The following NFX1 variants were observed in gnomAD, a reference collection of about 807,000 sequenced individuals.
NFX1 encodes nuclear transcription factor, X-box binding 1.
A neutral mutation model predicts 137.2 loss-of-function variants in NFX1; 69 were observed. That is an observed-to-expected ratio of 0.50 (90% CI 0.41 to 0.61). NFX1 has a LOEUF of 0.61. NFX1 is among the 20% of genes least tolerant of loss of function. The pLI is 0.00. For missense variants in NFX1, 1,167 were observed against 1,391.0 expected (o/e 0.84, Z 2.56); for synonymous variants, 495 against 474.1 (o/e 1.04, Z -0.57).
chr9:33,305,142 C>T (rs1009605383), intron 4 of NFX1, among the ~76,000 whole-genome samples: 11 of 152,304 alleles, frequency 7.2e-5, no homozygotes, highest in Middle Eastern at 3.4e-3. Flanking sequence ...GCGAATAAAA[C>T]GGTTAACTTA....
chr9:33,338,171 A>G (rs1261325749), intron 11 of NFX1, among the ~76,000 whole-genome samples: 1 of 151,984 alleles, frequency 6.6e-6, no homozygotes, highest in African/African-American at 2.4e-5. Flanking sequence ...TTTGGACAAC[A>G]TGGTGAAACC....
intron 4 of NFX1, among the ~76,000 whole-genome samples, chr9:33,305,462 A>G (rs1311816342): frequency 6.6e-6 from 1 of 152,190 alleles, no homozygotes; most frequent in African/African-American, 2.4e-5. Context: ...ATGACTGGAA[A>G]GGAAGGGCTG....
At chr9:33,322,947 GA>G (rs1348544307) in intron 9 of NFX1, among the ~76,000 whole-genome samples, 26 of 152,208 alleles carry the variant, frequency 1.7e-4, no homozygotes, top group Non-Finnish European at 7.3e-5. Context: ...AAATCTCAAA[GA>G]CTTACAGCAA....
intron 3 of NFX1, among the ~76,000 whole-genome samples, chr9:33,302,738 C>T (rs1490486762): frequency 1.3e-5 from 2 of 151,184 alleles, no homozygotes; most frequent in East Asian, 1.9e-4. Flanking sequence ...GGCACGATCT[C>T]GGCTCACTGC....
chr9:33,313,631 C>G (rs374033783), intron 6 of NFX1, 23 bp from the exon 7 acceptor site: 2 of 1,612,382 alleles, frequency 1.2e-6, no homozygotes, highest in Non-Finnish European at 1.7e-6. Context: ...CTGATGCTGT[C>G]TTTACATCTA....
rs1823079311 is a variant in NFX1, at chr9:33,338,128, G to A, written c.2036-382G>A. On this transcript the variant is annotated intron_variant, in intron 11 of 23. Coordinates refer to ENST00000379540, the MANE Select transcript of NFX1 (RefSeq NM_002504.6). ...TCAGCACTTTGGGAGGCCATGGGAGGTGGATCACCTGAGATCAGGAGTTAA... is the reference window on the plus strand; with the variant it reads ...TCAGCACTTTGGGAGGCCATGGGAGATGGATCACCTGAGATCAGGAGTTAA... 2.6e-5 allele frequency among the ~76,000 whole-genome samples: 4 copies of A among 151,848 alleles called. No individual in the cohort carries two copies. In the South Asian group the frequency reaches 6.2e-4, roughly 24 times the overall value.
At chr9:33,339,194 A>G (rs1220457911) in intron 12 of NFX1, among the ~76,000 whole-genome samples, 4 of 152,130 alleles carry the variant, frequency 2.6e-5, no homozygotes, top group Admixed American at 1.3e-4. Flanking sequence ...CCATTTTCAC[A>G]CTGTCAGTAA....
At chr9:33,307,523 G>A (rs572322870) in intron 5 of NFX1, among the ~76,000 whole-genome samples, 33 of 152,358 alleles carry the variant, frequency 2.2e-4, no homozygotes, top group Non-Finnish European at 4.1e-4. Flanking sequence ...CTTTACAGAT[G>A]AGGCTCAGAA....
chr9:33,321,593 A>G (rs562143206), intron 9 of NFX1, among the ~76,000 whole-genome samples: 13 of 152,214 alleles, frequency 8.5e-5, no homozygotes, highest in Non-Finnish European at 1.8e-4. Flanking sequence ...GCAACCATCA[A>G]GGCTGGGCAT....
rs944046459 is a variant in NFX1, at chr9:33,368,104, G to A, written c.3290+485G>A. On this transcript the variant is annotated intron_variant, in intron 23 of 23. Coordinates refer to ENST00000379540, the MANE Select transcript of NFX1 (RefSeq NM_002504.6). ...TAAAAAAGTAGCCGGGTGTGGTGGC[G>A]GGCACCTGTAAACACAGCTACTTGG... 2.6e-5 allele frequency among the ~76,000 whole-genome samples: 4 copies of A among 152,046 alleles called. No homozygotes were observed. In the East Asian group the frequency reaches 7.7e-4, roughly 29 times the overall value.
chr9:33,320,875 C>T (rs534481108), intron 9 of NFX1, among the ~76,000 whole-genome samples: 37 of 152,322 alleles, frequency 2.4e-4, no homozygotes, highest in African/African-American at 8.7e-4. Flanking sequence ...CAAGTGCCAG[C>T]GTGAATCAGT....
chr9:33,296,626 T>G (rs1255340177), intron 2 of NFX1, among the ~76,000 whole-genome samples: 2 of 152,176 alleles, frequency 1.3e-5, no homozygotes, highest in African/African-American at 4.8e-5. Flanking sequence ...TCCCAGACAC[T>G]CAGGAAGCTG....
intron 19 of NFX1, among the ~76,000 whole-genome samples, chr9:33,355,687 T>TA: frequency 6.9e-6 from 1 of 145,488 alleles, no homozygotes; most frequent in Non-Finnish European, 1.5e-5. Context: ...TCTTGTCGCC[T>TA]AGGCTGGAGT....
intron 11 of NFX1, among the ~76,000 whole-genome samples, chr9:33,338,216 G>A (rs1400283995): frequency 1.3e-5 from 2 of 151,894 alleles, no homozygotes; most frequent in Non-Finnish European, 2.9e-5. Context: ...TTAGCTGGGT[G>A]TGGTGGCAGG....
rs754626165 is a variant in NFX1 at position 33,352,666 on chromosome 9, T to C, written c.2676T>C (p.Cys892=). 4 of 1,614,196 alleles carry C rather than the reference T, an allele frequency of 2.5e-6. No individual in the cohort carries two copies. In the South Asian group the frequency reaches 4.4e-5, roughly 18 times the overall value. The change falls in exon 17 of 24, where the codon TGT becomes TGC. Residue 892 remains cysteine, a synonymous_variant. Coordinates refer to ENST00000379540, the MANE Select transcript of NFX1 (RefSeq NM_002504.6). ...TTCAGGTAGAGCTACAGTGTGAATG[T>C]GGACGAAGAAAAGAGATGGTGATTT... ...CKAKVELQCE[C]GRRKEMVICS... is the part of the protein sequence containing the mutation.
intron 3 of NFX1, among the ~76,000 whole-genome samples, chr9:33,301,851 C>T (rs2661052): frequency 0.64 from 97,940 of 152,124 alleles, 34,365 homozygotes; most frequent in Non-Finnish European, 0.77. Flanking sequence ...GCAGGCGGAT[C>T]ATCTGAAGTC....
intron 6 of NFX1, 81 bp downstream of exon 6, chr9:33,311,258 A>G: frequency 1.6e-6 from 2 of 1,282,320 alleles, no homozygotes; most frequent in Non-Finnish European, 2.3e-6. Flanking sequence ...ATAAAAGAAT[A>G]GTAGGTAGAT....
In NFX1 at chr9:33,366,682, C is replaced by T; in HGVS notation, c.3093C>T (p.Arg1031=). Residue 1031 remains arginine (R), a synonymous_variant, in exon 22 of 24, where the codon CGC becomes CGT. Coordinates refer to ENST00000379540, the MANE Select transcript of NFX1 (RefSeq NM_002504.6). ...HSFPPMNRDH[R]RIIHDLAQVY... ...TCCCTCCCATGAACAGAGACCACCG[C>T]CGGATCATCCATGACTTGGCCCAAG... The T allele has an allele frequency of 6.2e-7, 1 of 1,614,226 alleles. No homozygotes were observed.
chr9:33,344,960 G>A (rs760813679), intron 14 of NFX1, among the ~76,000 whole-genome samples: 1 of 152,064 alleles, frequency 6.6e-6, no homozygotes, highest in African/African-American at 2.4e-5. Context: ...TCAGGAGTTC[G>A]AGACCACTCT....
Sources: gnomAD v4.1 joint callset for allele counts (sites outside exome capture counted in the v4.1 genomes callset) on GRCh38, gnomAD v4.1.1 for gene constraint, MANE v1.5 for transcripts, NCBI Gene and HGNC (gene_info 2026-07-23, HGNC 2026-07-21) for gene names.